The following KLRG1 variants were observed in gnomAD, a reference collection of about 807,000 sequenced individuals.
The protein encoded by KLRG1 is killer cell lectin like receptor G1, also known as killer cell lectin-like receptor subfamily G member 1.
In KLRG1, 16 loss-of-function variants were observed where a neutral mutation model predicts 21.8. That is an observed-to-expected ratio of 0.73 (90% CI 0.50 to 1.11). The LOEUF is 1.11. Ranked by LOEUF, KLRG1 falls within the 50% of genes most tolerant of loss-of-function variation. The probability of loss-of-function intolerance (pLI) is 0.00; values close to 1 mark genes in which losing one functional copy is unlikely to be tolerated. For missense variants in KLRG1, 173 were observed against 218.3 expected (o/e 0.79, Z 1.31); for synonymous variants, 69 against 75.9 (o/e 0.91, Z 0.47).
chr12:9,005,201 C>T (rs1268653949), intron 3 of KLRG1, among the ~76,000 whole-genome samples: 2 of 115,478 alleles, frequency 1.7e-5, no homozygotes, highest in African/African-American at 3.3e-5. Context: ...CCGGGCCTGT[C>T]GGGGGGTGGG....
chr12:9,078,395 A>C, the KLRG1 span, among the ~76,000 whole-genome samples: 1 of 152,234 alleles, frequency 6.6e-6, no homozygotes, highest in African/African-American at 2.4e-5. Flanking sequence ...GCTGCATAGT[A>C]TTCCATGATG....
At chr12:9,136,683 C>A in the KLRG1 span, among the ~76,000 whole-genome samples, 1 of 152,020 alleles carries the variant, frequency 6.6e-6, no homozygotes, top group African/African-American at 2.4e-5. Flanking sequence ...CACATCTTTG[C>A]CAACCACTTG....
chr12:9,168,680 CT>C, the KLRG1 span: 6 of 504,270 alleles, frequency 1.2e-5, no homozygotes, highest in Non-Finnish European at 2.1e-5. Flanking sequence ...TCGGATGTAT[CT>C]AAAAAAAAAT....
At chr12:9,210,592 T>A in the KLRG1 span, among the ~76,000 whole-genome samples, 1 of 152,214 alleles carries the variant, frequency 6.6e-6, no homozygotes, top group African/African-American at 2.4e-5. Context: ...TCACAGTCTT[T>A]GCTTTTCAAT....
chr12:9,028,950 C>G, the KLRG1 span: 1 of 629,016 alleles, frequency 1.6e-6, no homozygotes, highest in South Asian at 1.4e-5. Context: ...GTTTGGGTCT[C>G]TCATTACGGC....
chr12:9,054,856 G>A, the KLRG1 span, among the ~76,000 whole-genome samples: 4 of 152,156 alleles, frequency 2.6e-5, no homozygotes, highest in South Asian at 8.3e-4. Context: ...TTCAAGTGCT[G>A]AAGTGATGCT....
At position 8,962,729 on chromosome 12, in the gene KLRG1, A is replaced by G. The variant is rs57401132; in HGVS notation, c.-156+12493A>G. On this transcript the variant is annotated intron_variant, in intron 1 of 4. Transcript: ENST00000539240. ...AGACCCTGTTTCCCAAAAAAAAAAA[A>G]AAAGAAAGAAAGAAAAAAAGTAAAG... Among the ~76,000 whole-genome samples the G allele has an allele frequency of 9.4e-4, 143 of 151,808 alleles. 2 individuals are homozygous for G. The highest frequency in any genetic ancestry group is 2.9e-3 in the African/African-American group (120 of 41,444).
the KLRG1 span, among the ~76,000 whole-genome samples, chr12:9,141,670 A>T: frequency 3.9e-3 from 591 of 152,332 alleles, 8 homozygotes; most frequent in South Asian, 0.013. Flanking sequence ...TCTAGGTAAA[A>T]ATCCACATTC....
chr12:9,203,882 G>T, the KLRG1 span: 1 of 1,614,058 alleles, frequency 6.2e-7, no homozygotes, highest in Non-Finnish European at 8.5e-7. Flanking sequence ...CATTCAGGTG[G>T]CTCAGAAGGA....
At chr12:8,982,000 C>T (rs1258791903) in intron 1 of KLRG1, among the ~76,000 whole-genome samples, 3 of 152,104 alleles carry the variant, frequency 2.0e-5, no homozygotes, top group Non-Finnish European at 4.4e-5. Flanking sequence ...TTTATACTCA[C>T]CTATTTTTGT....
At chr12:9,072,769 A>G in the KLRG1 span, 1 of 1,614,208 alleles carries the variant, frequency 6.2e-7, no homozygotes, top group Non-Finnish European at 8.5e-7. Context: ...AATTTGCTGG[A>G]AAATGTCCCT....
intron 1 of KLRG1, among the ~76,000 whole-genome samples, chr12:8,950,937 T>C (rs937866977): frequency 1.3e-5 from 2 of 152,112 alleles, no homozygotes; most frequent in African/African-American, 4.8e-5. Flanking sequence ...AGCACTACGC[T>C]TTACCGACTG....
intron 3 of KLRG1, among the ~76,000 whole-genome samples, chr12:9,007,539 G>A (rs1229928263): frequency 6.6e-6 from 1 of 152,164 alleles, no homozygotes; most frequent in African/African-American, 2.4e-5. Flanking sequence ...CCTAAGTGCT[G>A]GGATCACAGG....
At chr12:9,135,507 G>T in the KLRG1 span, 1 of 359,814 alleles carries the variant, frequency 2.8e-6, no homozygotes, top group South Asian at 2.8e-5. Flanking sequence ...ACATACAAAT[G>T]GTAGACAGCT....
At chr12:9,008,126 C>A (rs1947526139) in intron 3 of KLRG1, among the ~76,000 whole-genome samples, 1 of 152,058 alleles carries the variant, frequency 6.6e-6, no homozygotes, top group Non-Finnish European at 1.5e-5. Flanking sequence ...TTTCTTGCCA[C>A]ATACAAGATT....
chr12:9,194,226 C>CA, the KLRG1 span: 25 of 1,613,786 alleles, frequency 1.5e-5, no homozygotes, highest in East Asian at 5.1e-4. Flanking sequence ...CCTTTTCCAT[C>CA]CACCAGAAGC....
chr12:9,196,951 A>G, the KLRG1 span: 2 of 1,274,662 alleles, frequency 1.6e-6, no homozygotes, highest in Non-Finnish European at 2.3e-6. Context: ...TCTAGTTAGT[A>G]AAATGGAGTC....
At chr12:9,053,068 G>A in the KLRG1 span, among the ~76,000 whole-genome samples, 1 of 152,168 alleles carries the variant, frequency 6.6e-6, no homozygotes, top group Non-Finnish European at 1.5e-5. Flanking sequence ...TGGAGTTTGC[G>A]TATTCTCCCC....
chr12:9,080,083 TG>T, the KLRG1 span: 1 of 1,569,174 alleles, frequency 6.4e-7, no homozygotes, highest in Non-Finnish European at 8.7e-7. Flanking sequence ...CACTAGGGGC[TG>T]GAGACTCACC....
Sources: gnomAD v4.1 joint callset for allele counts (sites outside exome capture counted in the v4.1 genomes callset) on GRCh38, gnomAD v4.1.1 for gene constraint, MANE v1.5 for transcripts, NCBI Gene and HGNC (gene_info 2026-07-23, HGNC 2026-07-21) for gene names.